The following UBXN4 variants were observed in gnomAD, a reference collection of about 807,000 sequenced individuals.
The protein encoded by UBXN4 is UBX domain protein 4.
In UBXN4, 35 loss-of-function variants were observed where a neutral mutation model predicts 66.2. That is an observed-to-expected ratio of 0.53 (90% CI 0.40 to 0.70). The LOEUF is 0.70. Ranked by LOEUF, UBXN4 falls within the 30% of genes least tolerant of loss-of-function variation. UBXN4 has a pLI of 0.00. For synonymous variants in UBXN4, 203 were observed against 204.5 expected (o/e 0.99, Z 0.06); for missense variants, 533 against 599.8 (o/e 0.89, Z 1.16).
chr2:135,774,298 A>T (rs564608162), intron 9 of UBXN4, among the ~76,000 whole-genome samples: 2 of 152,214 alleles, frequency 1.3e-5, no homozygotes, highest in Non-Finnish European at 2.9e-5. Flanking sequence ...ACAACTGAAT[A>T]TCTACATGCA....
chr2:135,780,142 G>A (rs780644119), intron 11 of UBXN4, 41 bp from the exon 12 acceptor site: 2 of 1,595,020 alleles, frequency 1.3e-6, no homozygotes, highest in African/African-American at 1.3e-5. Flanking sequence ...ATGTGATTGT[G>A]CTAACGTAGT....
intron 5 of UBXN4, among the ~76,000 whole-genome samples, chr2:135,757,939 C>T (rs1209982977): frequency 6.6e-6 from 1 of 152,090 alleles, no homozygotes; most frequent in Non-Finnish European, 1.5e-5. Context: ...TCTGCAGGGT[C>T]TGGCTCTGTC....
intron 2 of UBXN4, among the ~76,000 whole-genome samples, chr2:135,753,247 C>G (rs1465571790): frequency 1.3e-5 from 2 of 152,158 alleles, no homozygotes; most frequent in African/African-American, 4.8e-5. Context: ...TGGTCTCGAA[C>G]TCTTGATCTC....
At chr2:135,756,008 A>G (rs1330609622) in intron 5 of UBXN4, among the ~76,000 whole-genome samples, 1 of 152,200 alleles carries the variant, frequency 6.6e-6, no homozygotes, top group Non-Finnish European at 1.5e-5. Flanking sequence ...GAGAATTTGG[A>G]AAGTTTCAAA....
At chr2:135,746,339 T>G (rs1226180826) in intron 1 of UBXN4, among the ~76,000 whole-genome samples, 1 of 152,226 alleles carries the variant, frequency 6.6e-6, no homozygotes, top group Non-Finnish European at 1.5e-5. Flanking sequence ...TACTATGTTT[T>G]GTAGAGATTT....
At chr2:135,743,129 C>T (rs1297593378) in intron 1 of UBXN4, among the ~76,000 whole-genome samples, 1 of 152,148 alleles carries the variant, frequency 6.6e-6, no homozygotes, top group Non-Finnish European at 1.5e-5. Context: ...ATTAACTCGT[C>T]TTTTAATAGC....
At chr2:135,763,404 C>T (rs962470317) in intron 6 of UBXN4, among the ~76,000 whole-genome samples, 52 of 152,174 alleles carry the variant, frequency 3.4e-4, no homozygotes, top group African/African-American at 1.3e-3. Context: ...TTGGACCCAT[C>T]AGTCCCTGTT....
At chr2:135,778,447 C>T (rs1231822248) in intron 10 of UBXN4, among the ~76,000 whole-genome samples, 1 of 152,130 alleles carries the variant, frequency 6.6e-6, no homozygotes, top group Non-Finnish European at 1.5e-5. Flanking sequence ...GTTCCTGGAT[C>T]TGGTATTGTG....
rs1019890239 is a variant in UBXN4, at chr2:135,751,424, G to A, written c.186-2115G>A. On this transcript the variant is annotated intron_variant, in intron 2 of 12. Transcript: ENST00000272638. ...AGGATGGTCTCGATCTCCTGACCTC[G>A]TGATCCACCTGCCCCGGCCTCCCAA... Among the ~76,000 whole-genome samples, 11 of 151,434 alleles carry A rather than the reference G, an allele frequency of 7.3e-5. No homozygotes were observed. The East Asian group carries it at 1.4e-3, about 19-fold the overall frequency.
chr2:135,752,881 G>A (rs534155221), intron 2 of UBXN4, among the ~76,000 whole-genome samples: 5 of 151,012 alleles, frequency 3.3e-5, no homozygotes, highest in Admixed American at 6.6e-5. Flanking sequence ...CCACCACGCC[G>A]AGCTAATTTT....
At chr2:135,753,964 A>C in intron 3 of UBXN4, 195 bp from the exon 4 acceptor site, 1 of 532,232 alleles carries the variant, frequency 1.9e-6, no homozygotes, top group Non-Finnish European at 3.3e-6. Flanking sequence ...CTTCACTAGA[A>C]TATACCTCAT....
At chr2:135,756,068 A>G (rs2077277325) in intron 5 of UBXN4, among the ~76,000 whole-genome samples, 1 of 152,206 alleles carries the variant, frequency 6.6e-6, no homozygotes. Context: ...GTAAAAAGCT[A>G]TATAAATTTA....
intron 1 of UBXN4, 124 bp downstream of exon 1, chr2:135,742,135 G>A: frequency 1.7e-6 from 2 of 1,153,442 alleles, no homozygotes; most frequent in Non-Finnish European, 1.2e-6. Flanking sequence ...TCGCACAATT[G>A]CCACTACTAC....
At chr2:135,761,584 T>G (rs569557370) in intron 5 of UBXN4, among the ~76,000 whole-genome samples, 10 of 152,338 alleles carry the variant, frequency 6.6e-5, no homozygotes, top group African/African-American at 2.4e-4. Flanking sequence ...ACATCTGACC[T>G]TTACCTTGGT....
chr2:135,755,836 A>G (rs1046836343), intron 5 of UBXN4, 145 bp downstream of exon 5: 3 of 466,346 alleles, frequency 6.4e-6, no homozygotes, highest in African/African-American at 2.1e-5. Context: ...TTAAATACAC[A>G]TGTGTCATTT....
At chr2:135,767,098 C>A (rs1006010251) in intron 6 of UBXN4, among the ~76,000 whole-genome samples, 1 of 152,180 alleles carries the variant, frequency 6.6e-6, no homozygotes. Context: ...TGGTGGCTCA[C>A]GCCTGTAATC....
chr2:135,757,715 A>G (rs1019308969), intron 5 of UBXN4, among the ~76,000 whole-genome samples: 7 of 152,298 alleles, frequency 4.6e-5, no homozygotes, highest in Middle Eastern at 6.8e-3. Context: ...GGCTAGACTA[A>G]AACTGCAAGC....
intron 11 of UBXN4, among the ~76,000 whole-genome samples, chr2:135,779,824 TTATACAATTA>T (rs1380977414): frequency 1.2e-4 from 18 of 147,334 alleles, no homozygotes; most frequent in Admixed American, 7.5e-4. Context: ...ATATACAATA[TTATACAATTA>T]TATACAATTA....
At chr2:135,754,388 C>G (rs1160123341) in intron 4 of UBXN4, 111 bp downstream of exon 4, 12 of 793,768 alleles carry the variant, frequency 1.5e-5, no homozygotes, top group Non-Finnish European at 2.1e-5. Flanking sequence ...GTGGTGTGAT[C>G]TCAGCTCAAG....
Sources: allele counts gnomAD v4.1 joint callset (sites outside exome capture counted in the v4.1 genomes callset), GRCh38; gene constraint gnomAD v4.1.1; transcripts MANE v1.5; gene names NCBI Gene and HGNC (gene_info 2026-07-23, HGNC 2026-07-21).